Variants in SETX observed in about 807,000 individuals in gnomAD.
The protein encoded by SETX is helicase senataxin.
SETX carries 90 observed loss-of-function variants against 227.2 expected under a neutral mutation model. That is an observed-to-expected ratio of 0.40 (90% CI 0.33 to 0.47). SETX has a LOEUF of 0.47. Ranked by LOEUF, SETX falls within the 20% of genes least tolerant of loss-of-function variation. The probability of loss-of-function intolerance (pLI) is 0.91; values close to 1 mark genes in which losing one functional copy is unlikely to be tolerated. For synonymous variants in SETX, 1,210 were observed against 1,113.2 expected, an observed-to-expected ratio of 1.09 and a Z score of -1.73; for missense variants, 3,052 against 3,181.5, an observed-to-expected ratio of 0.96 and a Z score of 0.98.
At chr9:132,309,234 T>C (rs540303211) in intron 11 of SETX, among the ~76,000 whole-genome samples, 7 of 152,170 alleles carry the variant, frequency 4.6e-5, no homozygotes, top group Non-Finnish European at 1.0e-4. Flanking sequence ...CAATGTGATA[T>C]GAGCCCAAGG....
intron 23 of SETX, 51 bp from the exon 24 acceptor site, chr9:132,271,859 A>C (rs1842918916): frequency 6.7e-7 from 1 of 1,497,434 alleles, no homozygotes; most frequent in East Asian, 2.3e-5. Context: ...ATAATTATTA[A>C]GTATACATAT....
Position 132,328,574 on chromosome 9 carries a change from G to A in SETX, c.3024C>T (p.Thr1008=). 6.2e-7 allele frequency: 1 copy of A among 1,613,836 alleles called. No homozygotes were observed. The highest frequency in any genetic ancestry group is 1.3e-5 in the African/African-American group (1 of 75,028). The change falls in exon 10 of 26, where the codon ACC becomes ACT. Residue 1008 remains threonine (T), a synonymous_variant. Coordinates refer to ENST00000224140, the MANE Select transcript of SETX (RefSeq NM_015046.7). The stretch of plus-strand genomic sequence containing the variant: ...AAATAATAATAACCTGTCCACGGGA[G>A]GTATCTCCAACATTATTTTGGTTAG... ...FTANQNNVGD[T]SRGQVIIISD...
At position 132,286,488 on chromosome 9, in the gene SETX, C is replaced by T; in HGVS notation, c.6331G>A (p.Glu2111Lys). 1.9e-6 allele frequency: 3 copies of T among 1,613,050 alleles called. No individual in the cohort carries two copies. Among genetic ancestry groups the T allele is most frequent in the Non-Finnish European group, 2.5e-6 (3 of 1,179,402 alleles). The change falls in exon 18 of 26, where the codon GAA (glutamate) becomes AAA (lysine). Residue 2111 changes from glutamate (E) to lysine (K), a missense_variant. Transcript: ENST00000224140. Reference sequence around the variant, plus strand: ...ACTTTGGAAATGTTTTCATCTAATTCTTGCCTCTGGAAAAAAATTCAAATG... The same window carrying T: ...ACTTTGGAAATGTTTTCATCTAATTTTTGCCTCTGGAAAAAAATTCAAATG... ...CRGGREIQRQ[E>K]LDENISKVSK...
Position 132,327,196 on chromosome 9 carries a change from C to T in SETX, c.4402G>A (p.Gly1468Ser). ...VSTSEDPLGG[G>S]DPTARHIEMA... ...TCTATATGACGTGCTGTTGGATCAC[C>T]TCCACCCAGAGGGTCTTCTGAAGTG... is the stretch of plus-strand genomic sequence containing the variant. Residue 1468 changes from glycine to serine, a missense_variant, in exon 10 of 26, where the codon GGT (glycine) becomes AGT (serine). By Grantham distance (56) the Gly-to-Ser change is moderately conservative. Transcript: ENST00000224140. 6.2e-7 allele frequency: 1 copy of T among 1,614,222 alleles called. No homozygotes were observed. Among genetic ancestry groups the T allele is most frequent in the South Asian group, 1.1e-5 (1 of 91,086 alleles).
intron 11 of SETX, among the ~76,000 whole-genome samples, chr9:132,303,474 G>A (rs1025203597): frequency 2.6e-5 from 4 of 151,302 alleles, no homozygotes; most frequent in Non-Finnish European, 5.9e-5. Flanking sequence ...TGTGACCGTG[G>A]GTTAGGTAAA....
Position 132,300,482 on chromosome 9 carries a change from A to G in SETX, c.5548+148T>C, listed in dbSNP as rs897260921. 5.0e-6 allele frequency: 4 copies of G among 795,276 alleles called. No individual in the cohort carries two copies. In the African/African-American group the frequency reaches 6.9e-5, roughly 14 times the overall value. The allele number at this position is 795,276 out of a possible 1,614,324, so 49.3% of individuals were successfully genotyped here. ...CCAGTTAAGTCTAGAAAAACTAGAA[A>G]AGAGACTCTGAATGGCCATGTAATC... On this transcript the variant is annotated intron_variant, in intron 12 of 25. Coordinates refer to ENST00000224140, the MANE Select transcript of SETX (RefSeq NM_015046.7).
intron 15 of SETX, 53 bp downstream of exon 15, chr9:132,295,819 T>C: frequency 4.5e-6 from 7 of 1,556,874 alleles, no homozygotes; most frequent in Non-Finnish European, 6.1e-6. Context: ...CAAAGTTGCC[T>C]ACACTTAACA....
In SETX at chr9:132,329,405, A is replaced by G. The variant is rs1446102780; in HGVS notation, c.2193T>C (p.Gly731=). The G allele has an allele frequency of 6.2e-7, 1 of 1,613,836 alleles. No individual in the cohort carries two copies. The highest frequency in any genetic ancestry group is 8.5e-7 in the Non-Finnish European group (1 of 1,179,960). The change falls in exon 10 of 26, where the codon GGT becomes GGC. Residue 731 remains glycine (G), a synonymous_variant. Coordinates refer to ENST00000224140, the MANE Select transcript of SETX (RefSeq NM_015046.7). ...YTPKDCTSRN[G]PERGCDRGII... Reference sequence around the variant, plus strand: ...TTCCTCTGTCACATCCCCTTTCTGGACCATTTCTTGAAGTACAGTCCTTTG... The same window carrying G: ...TTCCTCTGTCACATCCCCTTTCTGGGCCATTTCTTGAAGTACAGTCCTTTG...
chr9:132,322,096 G>A lies in SETX; in HGVS notation c.5274+4228C>T, dbSNP rs144937783. 7.9e-4 allele frequency among the ~76,000 whole-genome samples: 121 copies of A among 152,228 alleles called. 1 individual carries two copies. Among genetic ancestry groups the A allele is most frequent in the African/African-American group, 2.9e-3 (121 of 41,524 alleles). On this transcript the variant is annotated intron_variant, in intron 10 of 25. Transcript: ENST00000224140. Reference sequence around the variant, plus strand: ...CCCTTCAGATCACGTTTGCCTTCCAGAGTGCAACCATAAAGAGGCTCGTTT... The same window carrying A: ...CCCTTCAGATCACGTTTGCCTTCCAAAGTGCAACCATAAAGAGGCTCGTTT...
intron 23 of SETX, among the ~76,000 whole-genome samples, chr9:132,274,562 CT>C (rs1843062281): frequency 6.6e-6 from 1 of 151,912 alleles, no homozygotes; most frequent in African/African-American, 2.4e-5. Context: ...CTACCTCAGC[CT>C]TCCGAGTAGC....
At chr9:132,320,593 C>CAAAAAAAAA in intron 10 of SETX, among the ~76,000 whole-genome samples, 1 of 61,068 alleles carries the variant, frequency 1.6e-5, no homozygotes, top group Non-Finnish European at 2.9e-5. Flanking sequence ...GACTCCAACT[C>CAAAAAAAAA]AAAAAAAAAA....
At chr9:132,352,724 T>C (rs1848665977) in intron 2 of SETX, among the ~76,000 whole-genome samples, 1 of 152,192 alleles carries the variant, frequency 6.6e-6, no homozygotes, top group Non-Finnish European at 1.5e-5. Flanking sequence ...ATATTCAATA[T>C]CCAACTGCAT....
chr9:132,336,540 T>A (rs1357936188), intron 5 of SETX, 25 bp from the exon 6 acceptor site: 1 of 1,502,138 alleles, frequency 6.7e-7, no homozygotes, highest in Non-Finnish European at 9.3e-7. Context: ...TATTTATTAC[T>A]TAATTCAATA....
At chr9:132,347,602 A>G (rs525063) in intron 3 of SETX, among the ~76,000 whole-genome samples, 135,990 of 151,900 alleles carry the variant, frequency 0.9, 60,981 homozygotes, top group Non-Finnish European at 0.92. Context: ...AAGCTACAGC[A>G]CTCAGCCTTA....
intron 10 of SETX, among the ~76,000 whole-genome samples, chr9:132,323,422 C>A (rs1846495573): frequency 6.6e-6 from 1 of 152,088 alleles, no homozygotes; most frequent in Non-Finnish European, 1.5e-5. Flanking sequence ...CTGAAGATAT[C>A]TTTCACATAG....
chr9:132,354,013 G>A (rs1175242682), intron 1 of SETX, among the ~76,000 whole-genome samples: 4 of 152,182 alleles, frequency 2.6e-5, no homozygotes, highest in African/African-American at 9.7e-5. Flanking sequence ...GCCCGCGCAG[G>A]TAACATCAAT....
Position 132,330,391 on chromosome 9 carries a change from C to T in SETX, c.1207G>A (p.Val403Ile). ...AACCATAGAAATGTGCTGTTATGAA[C>T]ACGCATGTCTTGACCAATATCTGAC... is the stretch of plus-strand genomic sequence containing the variant. ...LQSDIGQDMRVHNSTFLWFIP... is the reference protein window; with the variant it reads ...LQSDIGQDMRIHNSTFLWFIP... The change falls in exon 10 of 26, where the codon GTT (valine) becomes ATT (isoleucine). Residue 403 changes from valine to isoleucine, a missense_variant. Transcript: ENST00000224140. 1.2e-6 allele frequency: 2 copies of T among 1,614,130 alleles called. No homozygotes were observed. Among genetic ancestry groups the T allele is most frequent in the Non-Finnish European group, 1.7e-6 (2 of 1,179,978 alleles).
chr9:132,341,494 T>G (rs916440483), intron 5 of SETX, among the ~76,000 whole-genome samples: 5 of 152,094 alleles, frequency 3.3e-5, no homozygotes, highest in African/African-American at 1.2e-4. Flanking sequence ...CTGCTTTCTA[T>G]CCATCCTTGA....
At position 132,328,542 on chromosome 9, in the gene SETX, G is replaced by A. The variant is rs749204574; in HGVS notation, c.3056C>T (p.Ser1019Phe). ...SRGQVIIISD[S>F]DDDDDERILS... ...GATTCTTTCATCATCATCATCATCA[G>A]AATCTGAAATAATAATAACCTGTCC... is the stretch of plus-strand genomic sequence containing the variant. Residue 1019 changes from serine to phenylalanine, a missense_variant, in exon 10 of 26, where the codon TCT becomes TTT. Coordinates refer to ENST00000224140, the MANE Select transcript of SETX (RefSeq NM_015046.7). The A allele has an allele frequency of 1.2e-6, 2 of 1,613,812 alleles. No homozygotes were observed. Among genetic ancestry groups the A allele is most frequent in the Non-Finnish European group, 1.7e-6 (2 of 1,179,940 alleles).
Sources: allele counts gnomAD v4.1 joint callset (sites outside exome capture counted in the v4.1 genomes callset), GRCh38; gene constraint gnomAD v4.1.1; transcripts MANE v1.5; gene names NCBI Gene and HGNC (gene_info 2026-07-23, HGNC 2026-07-21).